LIN52: variants seen among roughly 807,000 people sequenced by gnomAD.
LIN52 encodes the protein protein lin-52 homolog.
LIN52 carries 4 observed loss-of-function variants against 18.5 expected under a neutral mutation model. The observed-to-expected ratio is 0.22, with a 90% CI of 0.11 to 0.49. The LOEUF (loss-of-function observed/expected upper bound fraction) is 0.49, where lower values mean the gene tolerates loss of function less well. Among genes scored for constraint, LIN52 ranks in the 20% least tolerant of loss-of-function variants. The pLI is 0.97. For missense variants in LIN52, 102 were observed against 139.5 expected (o/e 0.73, Z 1.35); for synonymous variants, 34 against 45.5 (o/e 0.75, Z 1.02).
At chr14:74,188,108 A>C (rs2061348272) in intron 5 of LIN52, among the ~76,000 whole-genome samples, 1 of 152,212 alleles carries the variant, frequency 6.6e-6, no homozygotes, top group Non-Finnish European at 1.5e-5. Context: ...CCAATGAACC[A>C]TACACAAAAA....
chr14:74,117,999 A>G (rs1019350412), intron 5 of LIN52, among the ~76,000 whole-genome samples: 2 of 152,222 alleles, frequency 1.3e-5, no homozygotes, highest in African/African-American at 4.8e-5. Context: ...GACTGACTCT[A>G]TTGTAGGAGG....
intron 5 of LIN52, among the ~76,000 whole-genome samples, chr14:74,158,228 C>T (rs963206340): frequency 4.0e-5 from 6 of 151,530 alleles, no homozygotes; most frequent in Non-Finnish European, 8.8e-5. Flanking sequence ...GATTCTTGTA[C>T]CTCAGCCTCC....
chr14:74,091,978 T>C (rs1010235443), intron 2 of LIN52, among the ~76,000 whole-genome samples: 3 of 152,022 alleles, frequency 2.0e-5, no homozygotes, highest in African/African-American at 7.2e-5. Context: ...TAAACAATAA[T>C]AATTATTTTG....
At chr14:74,119,407 G>T (rs191562173) in intron 5 of LIN52, among the ~76,000 whole-genome samples, 1,563 of 151,986 alleles carry the variant, frequency 0.01, 32 homozygotes, top group African/African-American at 0.036. Context: ...CTCGTGATCC[G>T]CCCGCCTTGG....
chr14:74,200,916 T>G lies in LIN52; in HGVS notation c.*1939T>G, dbSNP rs2078945476. 6.6e-6 allele frequency: 1 copy of G among 152,206 alleles called. No homozygotes were observed. The highest frequency in any genetic ancestry group is 1.5e-5 in the Non-Finnish European group (1 of 68,028). 9.4% of individuals were successfully genotyped at this position (152,206 alleles called of 1,614,324 possible). A position where few individuals can be genotyped will look rare whatever the true frequency, so the allele number is the denominator to read the frequency against. On this transcript the variant is annotated 3_prime_UTR_variant, in exon 6 of 6. Coordinates refer to ENST00000555028, the MANE Select transcript of LIN52 (RefSeq NM_001024674.3). ...GATGACATCAGGCACTTTTCAGTGT[T>G]TGGGGAAATTGATTGGGATACCTCC...
At chr14:74,184,228 A>G (rs1186357915) in intron 5 of LIN52, among the ~76,000 whole-genome samples, 2 of 152,138 alleles carry the variant, frequency 1.3e-5, no homozygotes, top group East Asian at 3.8e-4. Flanking sequence ...CCACAGGCAC[A>G]TGCCACCACG....
chr14:74,141,985 A>G (rs985993097), intron 5 of LIN52, among the ~76,000 whole-genome samples: 1 of 152,212 alleles, frequency 6.6e-6, no homozygotes, highest in African/African-American at 2.4e-5. Flanking sequence ...TTTGTGCCTC[A>G]TGAACTTTAA....
chr14:74,106,725 A>C (rs557526074), intron 5 of LIN52, among the ~76,000 whole-genome samples: 1 of 152,192 alleles, frequency 6.6e-6, no homozygotes, highest in East Asian at 1.9e-4. Flanking sequence ...CAAGTAGCTG[A>C]GATTACAGGT....
At chr14:74,117,900 G>C (rs1235783495) in intron 5 of LIN52, among the ~76,000 whole-genome samples, 2 of 152,062 alleles carry the variant, frequency 1.3e-5, no homozygotes, top group Non-Finnish European at 2.9e-5. Flanking sequence ...TAAACTAAAA[G>C]CTTGTTACTT....
chr14:74,107,561 AG>A lies in LIN52; in HGVS notation c.283+6325del, dbSNP rs373889633. 1.0e-3 allele frequency among the ~76,000 whole-genome samples: 159 copies of A among 151,988 alleles called. 1 individual carries two copies. The South Asian group carries it at 0.02, about 20-fold the overall frequency. On this transcript the variant is annotated intron_variant, in intron 5 of 5. Transcript: ENST00000555028. ...GAGCAGTTTGTTTGTTTGATTTGTA[AG>A]GTGCTTTTACCATTCTTCTTGGAGA... is the stretch of plus-strand genomic sequence containing the variant.
chr14:74,152,032 G>A (rs2061178662), intron 5 of LIN52, among the ~76,000 whole-genome samples: 1 of 152,114 alleles, frequency 6.6e-6, no homozygotes, highest in Non-Finnish European at 1.5e-5. Context: ...TGAGGTGGGC[G>A]AATCACTTGA....
At chr14:74,162,995 C>A (rs1244998209) in intron 5 of LIN52, among the ~76,000 whole-genome samples, 1 of 151,950 alleles carries the variant, frequency 6.6e-6, no homozygotes, top group Non-Finnish European at 1.5e-5. Context: ...TTTATATTTA[C>A]AATTAAGTAA....
At chr14:74,151,642 C>A (rs1268451939) in intron 5 of LIN52, among the ~76,000 whole-genome samples, 2 of 152,042 alleles carry the variant, frequency 1.3e-5, no homozygotes, top group African/African-American at 2.4e-5. Flanking sequence ...AGACTCTTTG[C>A]CATATGGGGG....
At position 74,085,019 on chromosome 14, in the gene LIN52, C is replaced by T. The variant is rs145432364; in HGVS notation, c.19+26C>T. ...GTAAGAGCCGGCTTAGAGATCTTTG[C>T]CTGCAGCCTCCTTCTTTGCTCTACT... On this transcript the variant is annotated intron_variant, in intron 1 of 5. Transcript: ENST00000555028. 196 of 1,373,864 alleles carry T rather than the reference C, an allele frequency of 1.4e-4. No homozygotes were observed. In the African/African-American group the frequency reaches 2.4e-3, roughly 17 times the overall value. 85.1% of individuals were successfully genotyped at this position (1,373,864 alleles called of 1,614,324 possible).
chr14:74,175,462 G>C (rs929569331), intron 5 of LIN52, among the ~76,000 whole-genome samples: 3 of 151,412 alleles, frequency 2.0e-5, no homozygotes, highest in Middle Eastern at 3.4e-3. Context: ...ATGTAGCGAG[G>C]CCCCAGGATC....
At chr14:74,165,877 G>T (rs1043376228) in intron 5 of LIN52, among the ~76,000 whole-genome samples, 1 of 150,732 alleles carries the variant, frequency 6.6e-6, no homozygotes, top group Middle Eastern at 3.4e-3. Context: ...CTGTCCCTCC[G>T]ATTACCTATT....
At chr14:74,105,146 T>A (rs531283544) in intron 5 of LIN52, among the ~76,000 whole-genome samples, 1 of 152,338 alleles carries the variant, frequency 6.6e-6, no homozygotes, top group African/African-American at 2.4e-5. Flanking sequence ...TTTAATGACT[T>A]TCAATGGAAT....
chr14:74,087,072 CT>C (rs1367315298), intron 1 of LIN52, among the ~76,000 whole-genome samples: 2 of 151,912 alleles, frequency 1.3e-5, no homozygotes, highest in African/African-American at 2.4e-5. Context: ...TTTTTTTCCC[CT>C]GTCATCTCTC....
chr14:74,155,916 C>CTT (rs1369859097), intron 5 of LIN52, among the ~76,000 whole-genome samples: 2 of 152,192 alleles, frequency 1.3e-5, no homozygotes, highest in East Asian at 3.9e-4. Context: ...ATCCTGCTTG[C>CTT]TTGTAATCAG....
Sources: allele counts gnomAD v4.1 joint callset (sites outside exome capture counted in the v4.1 genomes callset), GRCh38; gene constraint gnomAD v4.1.1; transcripts MANE v1.5; gene names NCBI Gene and HGNC (gene_info 2026-07-23, HGNC 2026-07-21).